Variants in CPVL observed in about 807,000 individuals in gnomAD.
CPVL encodes the protein carboxypeptidase vitellogenic like, also known as probable serine carboxypeptidase CPVL.
CPVL carries 51 observed loss-of-function variants against 63.7 expected under a neutral mutation model. That is an observed-to-expected ratio of 0.80 (90% CI 0.64 to 1.01). The LOEUF (loss-of-function observed/expected upper bound fraction) is 1.01. Ranked by LOEUF, CPVL falls within the 50% of genes least tolerant of loss-of-function variation. The pLI is 0.00. For synonymous variants in CPVL, 195 were observed against 206.0 expected (o/e 0.95, Z 0.46); for missense variants, 530 against 573.1 (o/e 0.92, Z 0.77).
In CPVL at chr7:29,108,848, C is replaced by T. The variant is rs138964641; in HGVS notation, c.288+3856G>A. Among the ~76,000 whole-genome samples the T allele has an allele frequency of 2.7e-4, 41 of 152,292 alleles. No homozygotes were observed. The South Asian group carries it at 7.3e-3, about 27-fold the overall frequency. On this transcript the variant is annotated intron_variant, in intron 3 of 12. Coordinates refer to ENST00000265394, the MANE Select transcript of CPVL (RefSeq NM_031311.5). ...AGATTTCTATCCAAGCCTGACTTAC[C>T]GAAGAGACTGTAGTCTTGGCCACTA...
At chr7:29,080,593 C>T (rs1047474253) in intron 7 of CPVL, among the ~76,000 whole-genome samples, 1 of 149,668 alleles carries the variant, frequency 6.7e-6, no homozygotes, top group East Asian at 1.9e-4. Flanking sequence ...TGAAAAGATG[C>T]AGGAAATAAA....
chr7:29,010,244 G>A (rs1433615175), intron 12 of CPVL: 2 of 152,036 alleles, frequency 1.3e-5, no homozygotes, highest in Non-Finnish European at 2.9e-5. Flanking sequence ...CTGGACAGCA[G>A]AAGAGCAATA....
At chr7:29,085,029 T>A (rs938949724) in intron 7 of CPVL, among the ~76,000 whole-genome samples, 1 of 152,182 alleles carries the variant, frequency 6.6e-6, no homozygotes, top group Non-Finnish European at 1.5e-5. Context: ...CCTTGTGGTA[T>A]GGAATTAGAA....
At chr7:29,113,120 T>C (rs1020170890) in intron 2 of CPVL, among the ~76,000 whole-genome samples, 5 of 151,336 alleles carry the variant, frequency 3.3e-5, no homozygotes, top group African/African-American at 1.2e-4. Flanking sequence ...GAAAAGAAAA[T>C]CTCCTATCAT....
intron 8 of CPVL, 124 bp from the exon 9 acceptor site, chr7:29,072,028 T>C: frequency 2.6e-6 from 3 of 1,165,598 alleles, no homozygotes; most frequent in Non-Finnish European, 3.7e-6. Context: ...CCAAGTAGGA[T>C]AATTACATGC....
At chr7:29,026,968 G>T (rs1388717107) in intron 12 of CPVL, among the ~76,000 whole-genome samples, 1 of 152,060 alleles carries the variant, frequency 6.6e-6, no homozygotes, top group Non-Finnish European at 1.5e-5. Flanking sequence ...TAAAGAGGAG[G>T]CAATTCTTTC....
intron 9 of CPVL, among the ~76,000 whole-genome samples, chr7:29,070,512 C>T (rs1323156751): frequency 6.6e-6 from 1 of 152,196 alleles, no homozygotes; most frequent in African/African-American, 2.4e-5. Context: ...ACTACCACAG[C>T]AGAAAGCCTT....
chr7:29,142,360 T>C (rs1791981846), intron 1 of CPVL, among the ~76,000 whole-genome samples: 1 of 152,106 alleles, frequency 6.6e-6, no homozygotes, highest in African/African-American at 2.4e-5. Context: ...TAATCACTAG[T>C]CCAAATGTTT....
chr7:29,059,632 T>C (rs1238674498), intron 11 of CPVL, among the ~76,000 whole-genome samples: 1 of 152,112 alleles, frequency 6.6e-6, no homozygotes, highest in Non-Finnish European at 1.5e-5. Flanking sequence ...TTCAACAAAA[T>C]CCAACATCCT....
At chr7:29,119,008 T>A (rs1789064125) in intron 2 of CPVL, among the ~76,000 whole-genome samples, 1 of 152,198 alleles carries the variant, frequency 6.6e-6, no homozygotes. Flanking sequence ...TTCTCTCCTA[T>A]TCTGTTAAAG....
intron 1 of CPVL, among the ~76,000 whole-genome samples, chr7:29,121,518 C>T (rs1584322486): frequency 1.3e-5 from 2 of 152,202 alleles, no homozygotes; most frequent in Middle Eastern, 3.4e-3. Context: ...AGACTCAGAA[C>T]AACAAGAACT....
At chr7:29,052,060 A>G (rs1167308007) in intron 11 of CPVL, among the ~76,000 whole-genome samples, 1 of 152,034 alleles carries the variant, frequency 6.6e-6, no homozygotes, top group Admixed American at 6.6e-5. Context: ...ACGGAAAATC[A>G]GACATCATAT....
intron 2 of CPVL, among the ~76,000 whole-genome samples, chr7:29,119,485 C>CAAA (rs372819031): frequency 8.9e-5 from 9 of 101,388 alleles, no homozygotes; most frequent in South Asian, 4.1e-4. Flanking sequence ...GATTCTGTCT[C>CAAA]AAAAAAAAAA....
chr7:29,085,017 A>G (rs1363290636), intron 7 of CPVL, among the ~76,000 whole-genome samples: 3 of 152,206 alleles, frequency 2.0e-5, no homozygotes, highest in Admixed American at 6.5e-5. Context: ...AAGAGAAGAG[A>G]ACCTTGTGGT....
intron 9 of CPVL, among the ~76,000 whole-genome samples, chr7:29,067,582 G>A (rs1205210726): frequency 6.6e-6 from 1 of 152,206 alleles, no homozygotes; most frequent in African/African-American, 2.4e-5. Context: ...GGGAGAGCCA[G>A]GTTTCTGGCA....
chr7:29,167,412 C>CTAT (rs1190459664), intron 5 of CPVL, among the ~76,000 whole-genome samples: 1 of 152,096 alleles, frequency 6.6e-6, no homozygotes, highest in African/African-American at 2.4e-5. Flanking sequence ...GACATGAGAG[C>CTAT]TATTTCCAGT....
intron 9 of CPVL, among the ~76,000 whole-genome samples, chr7:29,071,208 T>C (rs954859840): frequency 1.3e-5 from 2 of 152,234 alleles, no homozygotes; most frequent in Admixed American, 6.5e-5. Flanking sequence ...AACGTAATTA[T>C]TGATTCTCAA....
intron 11 of CPVL, among the ~76,000 whole-genome samples, chr7:29,061,780 C>T (rs1392858007): frequency 6.6e-6 from 1 of 151,916 alleles, no homozygotes; most frequent in African/African-American, 2.4e-5. Context: ...AAACTCATCT[C>T]TATTAAAAAT....
chr7:29,191,051 C>T (rs1208223269), intron 1 of CPVL, among the ~76,000 whole-genome samples: 3 of 152,102 alleles, frequency 2.0e-5, no homozygotes, highest in Non-Finnish European at 4.4e-5. Context: ...TCTCCCCCCT[C>T]AGCCTCCCAA....
Sources: allele counts gnomAD v4.1 joint callset (sites outside exome capture counted in the v4.1 genomes callset), GRCh38; gene constraint gnomAD v4.1.1; transcripts MANE v1.5; gene names NCBI Gene and HGNC (gene_info 2026-07-23, HGNC 2026-07-21).